Variants in DPP6 observed in about 807,000 individuals in gnomAD.
DPP6 encodes the protein dipeptidyl peptidase like 6.
Under a neutral mutation model 122.6 loss-of-function variants are expected in DPP6, and 69 were observed. The ratio of observed to expected loss-of-function variants is 0.56; its 90% CI spans 0.46 to 0.69. The LOEUF (loss-of-function observed/expected upper bound fraction) is 0.69. Ranked by LOEUF, DPP6 falls within the 30% of genes least tolerant of loss-of-function variation. The pLI is 0.00. For missense variants in DPP6, 928 were observed against 1,116.9 expected (o/e 0.83, Z 2.41); for synonymous variants, 418 against 433.1 (o/e 0.97, Z 0.43).
At chr7:154,608,737 C>G (rs1833731590) in intron 5 of DPP6, among the ~76,000 whole-genome samples, 1 of 152,104 alleles carries the variant, frequency 6.6e-6, no homozygotes, top group Admixed American at 6.6e-5. Flanking sequence ...AACCTTCTGT[C>G]AATTAGTCAT....
At chr7:154,355,650 C>T (rs1175732292) in intron 1 of DPP6, among the ~76,000 whole-genome samples, 1 of 152,154 alleles carries the variant, frequency 6.6e-6, no homozygotes, top group Non-Finnish European at 1.5e-5. Context: ...TGCTGTGAAA[C>T]ATTTGTGAGA....
In DPP6 at chr7:153,964,939, T is replaced by TTTCTTTCA. The variant is rs1491490280; in HGVS notation, c.51+77207_51+77208insCTTTCATT. Among the ~76,000 whole-genome samples the TTTCTTTCA allele has an allele frequency of 8.7e-3, 961 of 110,820 alleles. 11 individuals are homozygous for TTTCTTTCA. Among genetic ancestry groups the TTTCTTTCA allele is most frequent in the Non-Finnish European group, 0.014 (784 of 55,950 alleles). The allele number at this position is 110,820 out of a possible 152,430, so 72.7% of individuals were successfully genotyped here. On this transcript the variant is annotated intron_variant, in intron 1 of 25. Coordinates refer to the DPP6 transcript ENST00000404039. ...CTTTCTTTCTTTCTTTCTTTCTTTC[T>TTTCTTTCA]TTTTCTTTCTTTCTCTCTTTCTTTC...
intron 5 of DPP6, among the ~76,000 whole-genome samples, chr7:154,583,512 C>G (rs1430522601): frequency 6.6e-6 from 1 of 152,162 alleles, no homozygotes; most frequent in Non-Finnish European, 1.5e-5. Flanking sequence ...TCTTCTCTTG[C>G]GCACTCACCC....
chr7:154,768,832 T>C (rs966409145), intron 8 of DPP6, among the ~76,000 whole-genome samples: 2 of 152,172 alleles, frequency 1.3e-5, no homozygotes, highest in Admixed American at 6.5e-5. Flanking sequence ...GTACCCTTCT[T>C]GTAAGAAGCC....
intron 1 of DPP6, among the ~76,000 whole-genome samples, chr7:154,414,575 A>C (rs1225677083): frequency 6.6e-6 from 1 of 152,038 alleles, no homozygotes; most frequent in Non-Finnish European, 1.5e-5. Context: ...AATAACCTAC[A>C]TGTTATACCC....
chr7:154,469,232 T>G (rs984348523), intron 2 of DPP6, among the ~76,000 whole-genome samples: 1 of 152,186 alleles, frequency 6.6e-6, no homozygotes, highest in African/African-American at 2.4e-5. Flanking sequence ...AAAGAGGTAC[T>G]GACTGTACAT....
At chr7:153,773,327 TA>T in the DPP6 span, among the ~76,000 whole-genome samples, 49,140 of 95,974 alleles carry the variant, frequency 0.51, 10,165 homozygotes, top group East Asian at 0.63. Flanking sequence ...TATATATATA[TA>T]TATTTTTTTT....
At chr7:154,011,135 T>A (rs1798135926) in intron 1 of DPP6, among the ~76,000 whole-genome samples, 1 of 152,140 alleles carries the variant, frequency 6.6e-6, no homozygotes, top group Non-Finnish European at 1.5e-5. Context: ...TAGCTCTCCC[T>A]CTCCACTCTC....
Position 154,486,773 on chromosome 7 carries a change from CA to C in DPP6, c.457+11737del, listed in dbSNP as rs1233408276. Among the ~76,000 whole-genome samples the C allele has an allele frequency of 6.6e-6, 1 of 152,172 alleles. No individual in the cohort carries two copies. Among genetic ancestry groups the C allele is most frequent in the African/African-American group, 2.4e-5 (1 of 41,448 alleles). ...AAGCAGAGAGAGGTGTGTCTTGGGG[CA>C]GGGCAGCCGATTTCTTCCACACCAC... is the stretch of plus-strand genomic sequence containing the variant. On this transcript the variant is annotated intron_variant, in intron 3 of 25. Coordinates refer to ENST00000377770, the MANE Select transcript of DPP6 (RefSeq NM_130797.4). The surrounding 1 kb of genome is among the most constrained non-coding windows in gnomAD (Gnocchi z 4.5).
intron 2 of DPP6, among the ~76,000 whole-genome samples, chr7:154,456,691 C>G (rs540605606): frequency 1.3e-5 from 2 of 152,222 alleles, no homozygotes; most frequent in Middle Eastern, 3.4e-3. Context: ...CCTTAGTTAT[C>G]CAATGGAACC....
chr7:153,817,714 A>T, the DPP6 span, among the ~76,000 whole-genome samples: 1 of 142,288 alleles, frequency 7.0e-6, no homozygotes, highest in Non-Finnish European at 1.5e-5. Flanking sequence ...GGAATTGAAC[A>T]ATGAGAACAC....
chr7:154,182,808 A>T (rs556831155), intron 1 of DPP6, among the ~76,000 whole-genome samples: 2 of 152,226 alleles, frequency 1.3e-5, no homozygotes, highest in East Asian at 3.9e-4. Context: ...CTGCTGTGGG[A>T]TGGAGAAGAC....
chr7:154,584,565 C>T (rs1832307956), intron 5 of DPP6, among the ~76,000 whole-genome samples: 1 of 152,234 alleles, frequency 6.6e-6, no homozygotes, highest in Non-Finnish European at 1.5e-5. Context: ...CGCTCCCAGG[C>T]TGTGAGTGTT....
chr7:154,061,428 A>G (rs2429607), intron 1 of DPP6, among the ~76,000 whole-genome samples: 86,653 of 141,152 alleles, frequency 0.61, 29,340 homozygotes, highest in African/African-American at 0.7. Context: ...GGTAGCCTAC[A>G]TCTCTAAACA....
intron 1 of DPP6, among the ~76,000 whole-genome samples, chr7:154,367,420 G>A (rs959788875): frequency 3.3e-5 from 5 of 152,094 alleles, no homozygotes; most frequent in Admixed American, 1.3e-4. Flanking sequence ...TCTGGCTTTT[G>A]CAAGTGACTC....
chr7:154,726,216 G>T (rs1279714079), intron 7 of DPP6, among the ~76,000 whole-genome samples: 1 of 152,174 alleles, frequency 6.6e-6, no homozygotes, highest in African/African-American at 2.4e-5. Flanking sequence ...GCTCCACTAG[G>T]CAGTGCCCCA....
At chr7:154,717,005 G>C (rs1206860091) in intron 7 of DPP6, among the ~76,000 whole-genome samples, 1 of 152,052 alleles carries the variant, frequency 6.6e-6, no homozygotes, top group East Asian at 1.9e-4. Flanking sequence ...AGCTAATTTT[G>C]TATTTTTAGT....
At chr7:154,810,640 C>A (rs1437359278) in intron 16 of DPP6, among the ~76,000 whole-genome samples, 1 of 152,168 alleles carries the variant, frequency 6.6e-6, no homozygotes, top group Non-Finnish European at 1.5e-5. Flanking sequence ...ACAAGTACAG[C>A]AACACAAGGT....
intron 1 of DPP6, among the ~76,000 whole-genome samples, chr7:154,433,946 A>G (rs1818656966): frequency 6.6e-6 from 1 of 152,198 alleles, no homozygotes; most frequent in Admixed American, 6.5e-5. Flanking sequence ...TTCATGTTGT[A>G]CATGTTGTGA....
Sources: gnomAD v4.1 joint callset for allele counts (sites outside exome capture counted in the v4.1 genomes callset) on GRCh38, gnomAD v4.1.1 for gene constraint, Gnocchi (gnomAD v3.1) non-coding constraint, MANE v1.5 for transcripts, NCBI Gene and HGNC (gene_info 2026-07-23, HGNC 2026-07-21) for gene names.